RFX7: variants seen among roughly 807,000 people sequenced by gnomAD.
RFX7 encodes the protein DNA-binding protein RFX7.
RFX7 carries 26 observed loss-of-function variants against 111.8 expected under a neutral mutation model. The observed-to-expected ratio is 0.23, with a 90% CI of 0.17 to 0.32. The LOEUF (loss-of-function observed/expected upper bound fraction) is 0.32. Ranked by LOEUF, RFX7 falls within the 10% of genes least tolerant of loss-of-function variation. RFX7 has a pLI of 1.00. For missense variants in RFX7, 1,573 were observed against 1,772.9 expected, an observed-to-expected ratio of 0.89 and a Z score of 2.02; for synonymous variants, 624 against 624.4, an observed-to-expected ratio of 1.00 and a Z score of 0.01.
At chr15:56,105,151 T>A (rs1204876004) in intron 5 of RFX7, among the ~76,000 whole-genome samples, 1 of 152,198 alleles carries the variant, frequency 6.6e-6, no homozygotes. Context: ...TTCCTCTACC[T>A]GGAACATTAC....
At chr15:56,243,066 C>CCCCAA in intron 2 of RFX7, 59 bp downstream of exon 2, 4 of 1,161,746 alleles carry the variant, frequency 3.4e-6, no homozygotes, top group Non-Finnish European at 4.7e-6. Flanking sequence ...GCCCCCCACC[C>CCCCAA]ACTTTGCAGC....
chr15:56,243,903 CACA>C (rs1163220957), upstream of RFX7: 1 of 149,188 alleles, frequency 6.7e-6, no homozygotes, highest in Non-Finnish European at 1.5e-5. Context: ...GCGCAGACCG[CACA>C]ACACCTACCG....
At chr15:56,231,483 T>C (rs1286471570) in intron 2 of RFX7, among the ~76,000 whole-genome samples, 1 of 152,182 alleles carries the variant, frequency 6.6e-6, no homozygotes, top group Non-Finnish European at 1.5e-5. Context: ...ATGAGACTTA[T>C]TCACTACCAT....
intron 3 of RFX7, among the ~76,000 whole-genome samples, chr15:56,152,781 A>G (rs201029479): frequency 1.8e-5 from 2 of 113,214 alleles, no homozygotes; most frequent in Non-Finnish European, 3.9e-5. Context: ...TGGTTTTTTG[A>G]AAAAAAAAAA....
chr15:56,234,386 G>A (rs143817231), intron 2 of RFX7, among the ~76,000 whole-genome samples: 65 of 152,192 alleles, frequency 4.3e-4, no homozygotes, highest in South Asian at 1.0e-3. Flanking sequence ...AGAATTTATC[G>A]TTGACCTTCT....
At chr15:56,224,349 A>C (rs1219685388) in intron 2 of RFX7, among the ~76,000 whole-genome samples, 1 of 152,124 alleles carries the variant, frequency 6.6e-6, no homozygotes, top group East Asian at 1.9e-4. Flanking sequence ...AGGCTAAAAA[A>C]CACATTAAAA....
intron 2 of RFX7, among the ~76,000 whole-genome samples, chr15:56,226,409 G>C (rs2043483952): frequency 6.6e-6 from 1 of 152,128 alleles, no homozygotes; most frequent in Non-Finnish European, 1.5e-5. Flanking sequence ...TACCCAGAGG[G>C]AAGTCATGTA....
intron 5 of RFX7, among the ~76,000 whole-genome samples, chr15:56,119,000 G>A (rs557331628): frequency 6.6e-6 from 1 of 152,154 alleles, no homozygotes; most frequent in Non-Finnish European, 1.5e-5. Flanking sequence ...TCTGAGAAAT[G>A]TCTATATAGG....
intron 3 of RFX7, among the ~76,000 whole-genome samples, chr15:56,155,380 A>G (rs1323583016): frequency 6.6e-6 from 1 of 152,208 alleles, no homozygotes; most frequent in Non-Finnish European, 1.5e-5. Flanking sequence ...TCTATCAATG[A>G]TAGACTGGAT....
In RFX7 at chr15:56,243,818, C is replaced by G. The variant is rs1377117156; in HGVS notation, c.-376G>C. ...GCCGCCGCCGCCGCTCGCTCCCGGC[C>G]CCGCCGCCGCCGCGGCCGCCGCTGC... On this transcript the variant is annotated 5_prime_UTR_variant, in exon 1 of 10. Coordinates refer to ENST00000559447, the MANE Select transcript of RFX7 (RefSeq NM_022841.7). Among the ~76,000 whole-genome samples, 5 of 147,160 alleles carry G rather than the reference C, an allele frequency of 3.4e-5. No individual in the cohort carries two copies. Among genetic ancestry groups the G allele is most frequent in the Non-Finnish European group, 6.1e-5 (4 of 66,110 alleles).
intron 2 of RFX7, among the ~76,000 whole-genome samples, chr15:56,220,486 CCT>C (rs2043414444): frequency 1.3e-5 from 2 of 152,112 alleles, no homozygotes; most frequent in African/African-American, 4.8e-5. Flanking sequence ...CCCGCCTCGG[CCT>C]CTCAAAGTGT....
At chr15:56,104,129 C>A (rs375258416) in intron 5 of RFX7, among the ~76,000 whole-genome samples, 1 of 152,202 alleles carries the variant, frequency 6.6e-6, no homozygotes, top group South Asian at 2.1e-4. Flanking sequence ...AGGGACCCTA[C>A]GAATACACCA....
Position 56,095,501 on chromosome 15 carries a change from C to G in RFX7, c.2227G>C (p.Ala743Pro), listed in dbSNP as rs1425672369. 6.2e-7 allele frequency: 1 copy of G among 1,612,866 alleles called. No individual in the cohort carries two copies. The highest frequency in any genetic ancestry group is 1.7e-5 in the Admixed American group (1 of 59,988). Residue 743 changes from alanine (A) to proline (P), a missense_variant, in exon 10 of 10, where the codon GCT becomes CCT. Physicochemically the swap from Ala to Pro is conservative, Grantham distance 27 (BLOSUM62 -1). This residue lies in a region of RFX7 where 625 missense variants were observed against 632.2 expected (regional missense o/e 0.99). Coordinates refer to ENST00000559447, the MANE Select transcript of RFX7 (RefSeq NM_022841.7). ...NSSALVISDS[A>P]LEQQTTPSSS... ...GATGGGGTTGTTTGCTGTTCCAAAG[C>G]TGAATCACTGATAACAAGGGCAGAG... is the stretch of plus-strand genomic sequence containing the variant.
At position 56,184,023 on chromosome 15, in the gene RFX7, G is replaced by GTT. The variant is rs200495055; in HGVS notation, c.162-4722_162-4721dup. Among the ~76,000 whole-genome samples, 153 of 139,194 alleles carry GTT rather than the reference G, an allele frequency of 1.1e-3. 2 individuals are homozygous for GTT. The highest frequency in any genetic ancestry group is 3.3e-3 in the African/African-American group (126 of 38,272). The allele number at this position is 139,194 out of a possible 152,430, so 91.3% of individuals were successfully genotyped here. A position where few individuals can be genotyped will look rare whatever the true frequency, so the allele number is the denominator to read the frequency against. On this transcript the variant is annotated intron_variant, in intron 2 of 9. Coordinates refer to ENST00000559447, the MANE Select transcript of RFX7 (RefSeq NM_022841.7). ...TTATTAGTTCTAACAGCATGTAGTTGTTTTTTTTTTTTTTGAGACAGAGTT... is the reference window on the plus strand; with the variant it reads ...TTATTAGTTCTAACAGCATGTAGTTGTTTTTTTTTTTTTTTTGAGACAGAGTT...
At chr15:56,111,187 C>T (rs1183508643) in intron 5 of RFX7, among the ~76,000 whole-genome samples, 3 of 140,642 alleles carry the variant, frequency 2.1e-5, no homozygotes, top group Admixed American at 1.4e-4. Context: ...ATGACAATGG[C>T]GGTTTTGTGG....
intron 5 of RFX7, among the ~76,000 whole-genome samples, chr15:56,126,788 A>C (rs770353440): frequency 1.3e-5 from 2 of 152,226 alleles, no homozygotes; most frequent in African/African-American, 2.4e-5. Flanking sequence ...ACTGTTACCA[A>C]AGATATTAAG....
intron 3 of RFX7, among the ~76,000 whole-genome samples, chr15:56,159,544 T>C (rs1230404449): frequency 2.6e-5 from 4 of 152,208 alleles, no homozygotes; most frequent in Admixed American, 1.3e-4. Context: ...TTAGTAAATA[T>C]TTCTGACAAC....
rs964128815 is a variant in RFX7, at chr15:56,214,428, A to G, written c.161+28697T>C. Among the ~76,000 whole-genome samples the G allele has an allele frequency of 5.9e-5, 9 of 152,314 alleles. No homozygotes were observed. In the South Asian group the frequency reaches 6.2e-4, roughly 11 times the overall value. ...TTTCAATAAGGTTTTAAAATCTCCT[A>G]TAATAGGTCAGGCGCGGTGGCTCAC... On this transcript the variant is annotated intron_variant, in intron 2 of 9. Coordinates refer to ENST00000559447, the MANE Select transcript of RFX7 (RefSeq NM_022841.7).
chr15:56,157,729 G>GCCA (rs1443877912), intron 3 of RFX7, among the ~76,000 whole-genome samples: 1 of 152,178 alleles, frequency 6.6e-6, no homozygotes, highest in East Asian at 1.9e-4. Flanking sequence ...ATAGGCGTGT[G>GCCA]CCACCACGCC....
Sources: gnomAD v4.1 joint callset for allele counts (sites outside exome capture counted in the v4.1 genomes callset) on GRCh38, gnomAD v4.1.1 for gene constraint, gnomAD v4.1.1 regional missense constraint, MANE v1.5 for transcripts, NCBI Gene and HGNC (gene_info 2026-07-23, HGNC 2026-07-21) for gene names.